TTC34: variants seen among roughly 807,000 people sequenced by gnomAD.
TTC34 encodes the protein tetratricopeptide repeat domain 34, also known as tetratricopeptide repeat protein 34.
Under a neutral mutation model 40.7 loss-of-function variants are expected in TTC34, and 44 were observed. The ratio of observed to expected loss-of-function variants is 1.08; its 90% CI spans 0.85 to 1.39. The LOEUF (loss-of-function observed/expected upper bound fraction) is 1.39, where lower values mean the gene tolerates loss of function less well. Ranked by LOEUF, TTC34 falls within the 40% of genes most tolerant of loss-of-function variation. The pLI, the probability that TTC34 is intolerant of heterozygous loss-of-function variation, is 0.00. For synonymous variants in TTC34, 422 were observed against 398.6 expected, an observed-to-expected ratio of 1.06 and a Z score of -0.70; for missense variants, 884 against 838.0, an observed-to-expected ratio of 1.05 and a Z score of -0.68.
At chr1:2,753,576 C>G (rs1388711880) in intron 6 of TTC34, among the ~76,000 whole-genome samples, 2 of 77,120 alleles carry the variant, frequency 2.6e-5, no homozygotes, top group African/African-American at 8.6e-5. Context: ...AGCACCCACA[C>G]CCCCAGGTGA....
At chr1:2,680,528 T>G (rs1397622650) in intron 6 of TTC34, among the ~76,000 whole-genome samples, 162 of 45,264 alleles carry the variant, frequency 3.6e-3, no homozygotes, top group African/African-American at 5.4e-3. Flanking sequence ...ACAGCCTGGG[T>G]CGGCACCCAC....
chr1:2,644,545 C>T (rs1638980539), intron 7 of TTC34, 67 bp from the exon 8 acceptor site: 39 of 1,443,040 alleles, frequency 2.7e-5, no homozygotes, highest in South Asian at 5.2e-5. Context: ...AGCTGAGACT[C>T]GCTGGCCGCT....
chr1:2,751,289 C>A (rs1355660856), intron 6 of TTC34, among the ~76,000 whole-genome samples: 1 of 127,212 alleles, frequency 7.9e-6, no homozygotes, highest in African/African-American at 3.3e-5. Flanking sequence ...ACCCACACAC[C>A]CAGGTGAGCA....
Position 2,750,860 on chromosome 1 carries a change from T to G in TTC34, c.2226+32749A>C, listed in dbSNP as rs1244441177. On this transcript the variant is annotated intron_variant, in intron 6 of 8. Transcript: ENST00000401095. ...CAGTACCCACACACCCAGGTGAGCATCTGACAGCGTGGAGCAGCACCCAAA... is the reference window on the plus strand; with the variant it reads ...CAGTACCCACACACCCAGGTGAGCAGCTGACAGCGTGGAGCAGCACCCAAA... Among the ~76,000 whole-genome samples the G allele has an allele frequency of 3.2e-5, 4 of 125,366 alleles. 2 individuals carry two copies. Among genetic ancestry groups the G allele is most frequent in the Admixed American group, 1.6e-4 (2 of 12,260 alleles). The allele number at this position is 125,366 out of a possible 152,430, so 82.2% of individuals were successfully genotyped here. A position where few individuals can be genotyped will look rare whatever the true frequency, so the allele number is the denominator to read the frequency against.
rs983664511 is a variant in TTC34, at chr1:2,645,362, C to T, written c.2428G>A (p.Ala810Thr). ...TGCCCTGAGTCGATTTTGATCAGCG[C>T]CTCCCCCACAGCAAGGAGGCCCTGG... is the stretch of plus-strand genomic sequence containing the variant. Residue 810 changes from alanine to threonine, a missense_variant, in exon 7 of 9, where the codon GCG (alanine) becomes ACG (threonine). Transcript: ENST00000401095. The surrounding 1 kb of genome is among the most constrained non-coding windows in gnomAD (Gnocchi z 4.7). The T allele has an allele frequency of 1.6e-5, 25 of 1,533,708 alleles. No individual in the cohort carries two copies. In the African/African-American group the frequency reaches 2.9e-4, roughly 18 times the overall value.
chr1:2,791,022 A>G (rs952004211), intron 2 of TTC34, among the ~76,000 whole-genome samples: 1 of 152,146 alleles, frequency 6.6e-6, no homozygotes, highest in African/African-American at 2.4e-5. Flanking sequence ...GGGGGTGAGG[A>G]TTAAACGGAT....
At chr1:2,799,010 T>C (rs185793616) in intron 2 of TTC34, among the ~76,000 whole-genome samples, 237 of 59,838 alleles carry the variant, frequency 4.0e-3, no homozygotes, top group African/African-American at 4.4e-3. Context: ...TCCCAGCCTC[T>C]CAGCCTCCAA....
At chr1:2,777,499 C>T (rs1393076768) in intron 6 of TTC34, among the ~76,000 whole-genome samples, 1 of 152,188 alleles carries the variant, frequency 6.6e-6, no homozygotes, top group Non-Finnish European at 1.5e-5. Context: ...TGTCCTTTTC[C>T]ACCAGGTGAG....
At chr1:2,642,496 G>C (rs1316863766) in intron 8 of TTC34, among the ~76,000 whole-genome samples, 1 of 152,174 alleles carries the variant, frequency 6.6e-6, no homozygotes, top group African/African-American at 2.4e-5. Context: ...TGCTGGCCAG[G>C]CCTGCCTGCC....
exon 9 of TTC34, chr1:2,641,691 G>A: frequency 6.5e-7 from 1 of 1,535,502 alleles, no homozygotes; most frequent in Non-Finnish European, 8.7e-7. Context: ...CGCCTTGGGA[G>A]GTCACCATCC....
At chr1:2,786,738 G>A (rs758667888) in intron 4 of TTC34, among the ~76,000 whole-genome samples, 5 of 152,180 alleles carry the variant, frequency 3.3e-5, no homozygotes, top group African/African-American at 1.2e-4. Context: ...GTCGCTGGGC[G>A]AGGGGAGACC....
chr1:2,760,996 G>A (rs2100461552), intron 6 of TTC34, among the ~76,000 whole-genome samples: 1 of 66,020 alleles, frequency 1.5e-5, no homozygotes, highest in African/African-American at 1.3e-4. Flanking sequence ...CTGGAGCAGC[G>A]CTCACACCCA....
chr1:2,683,777 T>C lies in TTC34; in HGVS notation c.2227-38214A>G, dbSNP rs1274375377. On this transcript the variant is annotated intron_variant, in intron 6 of 8. Transcript: ENST00000401095. Reference sequence around the variant, plus strand: ...ACCCCCAGGTGAGCATCTGACAGGCTGGAGCAGCACGCACACCCCCAGTTG... The same window carrying C: ...ACCCCCAGGTGAGCATCTGACAGGCCGGAGCAGCACGCACACCCCCAGTTG... Among the ~76,000 whole-genome samples, 22 of 143,622 alleles carry C rather than the reference T, an allele frequency of 1.5e-4. No individual in the cohort carries two copies. The South Asian group carries it at 4.3e-3, about 28-fold the overall frequency. The allele number at this position is 143,622 out of a possible 152,430, so 94.2% of individuals were successfully genotyped here. A position where few individuals can be genotyped will look rare whatever the true frequency, so the allele number is the denominator to read the frequency against.
At chr1:2,683,275 A>G (rs1640159611) in intron 6 of TTC34, among the ~76,000 whole-genome samples, 1 of 151,232 alleles carries the variant, frequency 6.6e-6, no homozygotes, top group African/African-American at 2.4e-5. Context: ...CCACACCCAC[A>G]GGTGAGCATC....
rs1382302863 is a variant in TTC34 at position 2,800,661 on chromosome 1, GC to G, written c.166del (p.Ala56ArgfsTer30). On this transcript the variant is annotated frameshift_variant, in exon 2 of 9. Coordinates refer to ENST00000401095, the Ensembl canonical transcript of TTC34. LOFTEE classifies it high-confidence loss of function. Reference sequence around the variant, plus strand: ...GGACTCCAGGGTGGCCACCACCGCCGCCCCCCGAGCCTGGGCCAGGGCAGTG... The same window carrying G: ...GGACTCCAGGGTGGCCACCACCGCCGCCCCCGAGCCTGGGCCAGGGCAGTG... 3 of 398,496 alleles carry G rather than the reference GC, an allele frequency of 7.5e-6. No homozygotes were observed. Among genetic ancestry groups the G allele is most frequent in the Non-Finnish European group, 1.3e-5 (3 of 225,994 alleles). 24.7% of individuals were successfully genotyped at this position (398,496 alleles called of 1,614,324 possible). A position where few individuals can be genotyped will look rare whatever the true frequency, so the allele number is the denominator to read the frequency against.
chr1:2,641,401 C>T, exon 9 of TTC34: 2 of 1,527,490 alleles, frequency 1.3e-6, no homozygotes, highest in Non-Finnish European at 1.8e-6. Flanking sequence ...ATGCCTCCCT[C>T]CGGATTCTGG....
At chr1:2,652,509 GCAACA>G (rs1639180536) in intron 6 of TTC34, among the ~76,000 whole-genome samples, 20 of 138,784 alleles carry the variant, frequency 1.4e-4, no homozygotes, top group African/African-American at 5.6e-4. Context: ...CTGACGGCCT[GCAACA>G]GCACCCACAC....
chr1:2,751,607 C>G (rs1297192613), intron 6 of TTC34, among the ~76,000 whole-genome samples: 6 of 116,130 alleles, frequency 5.2e-5, no homozygotes, highest in Non-Finnish European at 8.7e-5. Context: ...AGCACCCACA[C>G]CCCCAGGCGA....
chr1:2,688,024 A>T (rs1312714283), intron 6 of TTC34, among the ~76,000 whole-genome samples: 133 of 129,640 alleles, frequency 1.0e-3, no homozygotes, highest in African/African-American at 3.9e-3. Context: ...CGAGCATCTG[A>T]CTGCATGTAA....
Sources: gnomAD v4.1 joint callset for allele counts (sites outside exome capture counted in the v4.1 genomes callset) on GRCh38, gnomAD v4.1.1 for gene constraint, Gnocchi (gnomAD v3.1) non-coding constraint, MANE v1.5 for transcripts, NCBI Gene and HGNC (gene_info 2026-07-23, HGNC 2026-07-21) for gene names.